The following TCF7L1 variants were observed in gnomAD, a reference collection of about 807,000 sequenced individuals.
The protein encoded by TCF7L1 is transcription factor 7-like 1.
TCF7L1 carries 18 observed loss-of-function variants against 63.7 expected under a neutral mutation model. The ratio of observed to expected loss-of-function variants is 0.28; its 90% confidence interval spans 0.20 to 0.42. The LOEUF (loss-of-function observed/expected upper bound fraction) is 0.42. Among genes scored for constraint, TCF7L1 ranks in the 10% least tolerant of loss-of-function variants. The probability of loss-of-function intolerance (pLI) is 1.00; values close to 1 mark genes in which losing one functional copy is unlikely to be tolerated. For missense variants in TCF7L1, 654 were observed against 779.3 expected, an observed-to-expected ratio of 0.84 and a Z score of 1.91; for synonymous variants, 355 against 340.9, an observed-to-expected ratio of 1.04 and a Z score of -0.46.
chr2:85,228,022 C>G (rs1032789415), intron 3 of TCF7L1, among the ~76,000 whole-genome samples: 1 of 147,058 alleles, frequency 6.8e-6, no homozygotes, highest in African/African-American at 2.5e-5. Context: ...AAAAATTAGT[C>G]ACAAACATTT....
chr2:85,212,299 A>G (rs1335027754), intron 3 of TCF7L1, among the ~76,000 whole-genome samples: 1 of 152,128 alleles, frequency 6.6e-6, no homozygotes, highest in Non-Finnish European at 1.5e-5. Flanking sequence ...ACCAGCTGGC[A>G]TGACCTCAAG....
intron 4 of TCF7L1, among the ~76,000 whole-genome samples, chr2:85,286,280 A>C (rs1344589571): frequency 1.3e-5 from 2 of 151,062 alleles, no homozygotes; most frequent in Non-Finnish European, 2.9e-5. Flanking sequence ...GCTTGAACCC[A>C]GGAGGTGGAA....
chr2:85,308,911 A>G, intron 11 of TCF7L1, 118 bp from the exon 12 acceptor site: 1 of 1,190,536 alleles, frequency 8.4e-7, no homozygotes, highest in Non-Finnish European at 1.2e-6. Context: ...AAGTAATGTC[A>G]GGTCCTCGCC....
chr2:85,188,903 T>A (rs1221152551), intron 3 of TCF7L1, among the ~76,000 whole-genome samples: 1 of 152,228 alleles, frequency 6.6e-6, no homozygotes, highest in East Asian at 1.9e-4. Context: ...CCATCTTTTT[T>A]ATTATGACAA....
chr2:85,296,907 C>A (rs184963256), intron 4 of TCF7L1, among the ~76,000 whole-genome samples: 286 of 152,234 alleles, frequency 1.9e-3, no homozygotes, highest in African/African-American at 6.1e-3. Flanking sequence ...TTAAAATGGG[C>A]TCTAAAAACA....
intron 4 of TCF7L1, among the ~76,000 whole-genome samples, chr2:85,292,930 C>T (rs1681759809): frequency 6.6e-6 from 1 of 152,216 alleles, no homozygotes; most frequent in Admixed American, 6.6e-5. Context: ...CAGTGGCTTA[C>T]ATTAGTAAAC....
chr2:85,268,569 G>C (rs1264611807), intron 3 of TCF7L1, among the ~76,000 whole-genome samples: 9 of 150,958 alleles, frequency 6.0e-5, no homozygotes, highest in Admixed American at 6.0e-4. Context: ...TGCCTCGTGA[G>C]TAGCTGGGAT....
At chr2:85,221,039 T>C (rs908349829) in intron 3 of TCF7L1, among the ~76,000 whole-genome samples, 1 of 152,192 alleles carries the variant, frequency 6.6e-6, no homozygotes, top group African/African-American at 2.4e-5. Context: ...CCAAGTCTAT[T>C]GTTACGCACT....
At chr2:85,233,910 T>A (rs1680137026) in intron 3 of TCF7L1, 1 of 152,200 alleles carries the variant, frequency 6.6e-6, no homozygotes, top group Non-Finnish European at 1.5e-5. Flanking sequence ...TCTTTTTCAT[T>A]ACCGAGCGGT....
intron 3 of TCF7L1, among the ~76,000 whole-genome samples, chr2:85,195,416 C>A (rs969094003): frequency 3.3e-5 from 5 of 152,252 alleles, no homozygotes; most frequent in African/African-American, 1.2e-4. Flanking sequence ...TGCCACTGCA[C>A]TTCATGCTGG....
At chr2:85,226,193 G>A (rs891993394) in intron 3 of TCF7L1, among the ~76,000 whole-genome samples, 2 of 152,168 alleles carry the variant, frequency 1.3e-5, no homozygotes, top group African/African-American at 4.8e-5. Flanking sequence ...TTTTATTGAG[G>A]ATCTTCGCAT....
chr2:85,243,501 G>A (rs1003133224), intron 3 of TCF7L1, among the ~76,000 whole-genome samples: 1 of 151,830 alleles, frequency 6.6e-6, no homozygotes, highest in Non-Finnish European at 1.5e-5. Flanking sequence ...ACTCCACGTG[G>A]GGAAGTTGCA....
intron 4 of TCF7L1, among the ~76,000 whole-genome samples, chr2:85,301,877 G>T (rs1283255999): frequency 6.6e-6 from 1 of 152,174 alleles, no homozygotes; most frequent in East Asian, 1.9e-4. Flanking sequence ...TGTAATCCCA[G>T]CACCTTGGGA....
chr2:85,205,338 C>T lies in TCF7L1; in HGVS notation c.441+70888C>T, dbSNP rs926938836. On this transcript the variant is annotated intron_variant, in intron 3 of 11. Coordinates refer to ENST00000282111, the MANE Select transcript of TCF7L1 (RefSeq NM_031283.3). ...GCTGAGCAGGCCTAGAGTTGAAGGTCGTGAGTGAACTGTATATTAAAAGCC... is the reference window on the plus strand; with the variant it reads ...GCTGAGCAGGCCTAGAGTTGAAGGTTGTGAGTGAACTGTATATTAAAAGCC... Among the ~76,000 whole-genome samples, 3 of 152,094 alleles carry T rather than the reference C, an allele frequency of 2.0e-5. No homozygotes were observed. The East Asian group carries it at 5.8e-4, about 29-fold the overall frequency.
intron 3 of TCF7L1, among the ~76,000 whole-genome samples, chr2:85,168,054 T>G (rs151284094): frequency 1.3e-5 from 2 of 151,722 alleles, no homozygotes; most frequent in East Asian, 1.9e-4. Context: ...GGGAAATGTG[T>G]TGTTCGGTGG....
intron 4 of TCF7L1, among the ~76,000 whole-genome samples, chr2:85,284,200 C>T (rs1229518903): frequency 2.6e-5 from 4 of 152,192 alleles, no homozygotes; most frequent in Middle Eastern, 3.4e-3. Flanking sequence ...TTAGTAGAGA[C>T]GGTGTTTCAC....
rs898664941 is a variant in TCF7L1 at position 85,134,802 on chromosome 2, G to T, written c.441+352G>T. ...CTTGGAAATCGGTCAGCTTTCTCTG[G>T]CAGTGGGGCAAGGGGCCTAGGGAGC... On this transcript the variant is annotated intron_variant, in intron 3 of 11. Transcript: ENST00000282111. The surrounding 1 kb of genome is among the most constrained non-coding windows in gnomAD (Gnocchi z 5.0). Among the ~76,000 whole-genome samples, 1 of 152,136 alleles carries T rather than the reference G, an allele frequency of 6.6e-6. No individual in the cohort carries two copies. Among genetic ancestry groups the T allele is most frequent in the East Asian group, 1.9e-4 (1 of 5,172 alleles).
intron 3 of TCF7L1, chr2:85,186,419 G>T (rs1572982201): frequency 6.6e-6 from 1 of 151,532 alleles, no homozygotes. Flanking sequence ...GGCAGCCATG[G>T]TAGCCATAGA....
intron 4 of TCF7L1, among the ~76,000 whole-genome samples, chr2:85,301,292 C>T (rs1681966442): frequency 6.6e-6 from 1 of 152,148 alleles, no homozygotes; most frequent in Non-Finnish European, 1.5e-5. Flanking sequence ...CTAACCGTGT[C>T]CCAGGCTAAG....
Sources: gnomAD v4.1 joint callset for allele counts (sites outside exome capture counted in the v4.1 genomes callset) on GRCh38, gnomAD v4.1.1 for gene constraint, Gnocchi (gnomAD v3.1) non-coding constraint, MANE v1.5 for transcripts, NCBI Gene and HGNC (gene_info 2026-07-23, HGNC 2026-07-21) for gene names.